The following CLVS1 variants were observed in gnomAD, a reference collection of about 807,000 sequenced individuals.
CLVS1 encodes the protein clavesin-1.
Under a neutral mutation model 33.1 loss-of-function variants are expected in CLVS1, and 10 were observed. The observed-to-expected ratio is 0.30, with a 90% CI of 0.19 to 0.51. CLVS1 has a LOEUF of 0.51. Among genes scored for constraint, CLVS1 ranks in the 20% least tolerant of loss-of-function variants. The pLI is 0.97. For synonymous variants in CLVS1, 163 were observed against 166.1 expected (o/e 0.98, Z 0.14); for missense variants, 343 against 433.4 (o/e 0.79, Z 1.85).
intron 2 of CLVS1, among the ~76,000 whole-genome samples, chr8:61,345,632 G>A (rs1585833495): frequency 1.4e-5 from 2 of 143,438 alleles, no homozygotes; most frequent in South Asian, 2.4e-4. Flanking sequence ...GTGTGTGTGT[G>A]TGTGTATGTG....
chr8:61,273,812 C>A (rs1024845709), intron 2 of CLVS1: 6 of 154,402 alleles, frequency 3.9e-5, no homozygotes, highest in African/African-American at 1.2e-4. Flanking sequence ...TGACTCCTTG[C>A]GCTTCCCGAG....
At chr8:61,232,381 C>T (rs1236820868) in intron 2 of CLVS1, among the ~76,000 whole-genome samples, 1 of 152,038 alleles carries the variant, frequency 6.6e-6, no homozygotes, top group African/African-American at 2.4e-5. Context: ...GCACAGGAGA[C>T]CTCCAGTTAG....
chr8:61,427,871 G>T (rs768279758), intron 3 of CLVS1, among the ~76,000 whole-genome samples: 1 of 152,236 alleles, frequency 6.6e-6, no homozygotes, highest in Non-Finnish European at 1.5e-5. Flanking sequence ...GCACCTTTGT[G>T]CCTTCCATTG....
At chr8:61,489,874 G>C (rs1201453961) in intron 5 of CLVS1, among the ~76,000 whole-genome samples, 3 of 152,176 alleles carry the variant, frequency 2.0e-5, no homozygotes, top group Non-Finnish European at 4.4e-5. Context: ...CTTGGTAGGA[G>C]CTACTCTCTG....
At chr8:61,265,784 C>A (rs1240741658) in intron 2 of CLVS1, among the ~76,000 whole-genome samples, 1 of 152,196 alleles carries the variant, frequency 6.6e-6, no homozygotes, top group Non-Finnish European at 1.5e-5. Flanking sequence ...TGCTGGGCCA[C>A]AGCCACTCAG....
intron 2 of CLVS1, among the ~76,000 whole-genome samples, chr8:61,354,810 T>C (rs1812623225): frequency 6.6e-6 from 1 of 152,086 alleles, no homozygotes; most frequent in Non-Finnish European, 1.5e-5. Flanking sequence ...TGATTACAGG[T>C]TTTAGGGAAT....
intron 2 of CLVS1, among the ~76,000 whole-genome samples, chr8:61,313,691 G>A (rs1810919061): frequency 6.6e-6 from 1 of 152,088 alleles, no homozygotes; most frequent in Non-Finnish European, 1.5e-5. Flanking sequence ...CCTGACTTGT[G>A]GGGAGAAATC....
At chr8:61,365,527 CA>C (rs142110433) in intron 2 of CLVS1, among the ~76,000 whole-genome samples, 64,934 of 140,162 alleles carry the variant, frequency 0.46, 14,681 homozygotes, top group East Asian at 0.63. Context: ...AACACCATGT[CA>C]AAAAAAAAAA....
At chr8:61,119,849 T>A (rs1805819156) in intron 1 of CLVS1, among the ~76,000 whole-genome samples, 1 of 126,968 alleles carries the variant, frequency 7.9e-6, no homozygotes, top group Admixed American at 7.4e-5. Flanking sequence ...CAATTATGTG[T>A]CTTGGAGTTG....
the CLVS1 span, among the ~76,000 whole-genome samples, chr8:61,028,689 G>A: frequency 1.3e-5 from 2 of 152,192 alleles, no homozygotes; most frequent in Non-Finnish European, 2.9e-5. Flanking sequence ...CTTCTATGGG[G>A]ATGGGTTGTT....
At chr8:61,149,997 CTG>C (rs1806495917) in intron 2 of CLVS1, among the ~76,000 whole-genome samples, 1 of 152,098 alleles carries the variant, frequency 6.6e-6, no homozygotes, top group African/African-American at 2.4e-5. Flanking sequence ...GAGAATGTGA[CTG>C]TGCTCAGAAT....
the CLVS1 span, among the ~76,000 whole-genome samples, chr8:61,008,529 C>T: frequency 6.7e-6 from 1 of 149,582 alleles, no homozygotes; most frequent in African/African-American, 2.5e-5. Context: ...AGCAGTGGCA[C>T]AATCATAGCT....
chr8:61,324,461 C>A (rs1430402282), intron 2 of CLVS1, among the ~76,000 whole-genome samples: 2 of 152,174 alleles, frequency 1.3e-5, no homozygotes, highest in East Asian at 1.9e-4. Context: ...CTTTTCTTCC[C>A]AGTCTTGGGT....
At chr8:60,992,429 C>T in the CLVS1 span, among the ~76,000 whole-genome samples, 2 of 152,158 alleles carry the variant, frequency 1.3e-5, no homozygotes, top group African/African-American at 4.8e-5. Flanking sequence ...CGGAGTTTCC[C>T]TGAGAAGCAA....
At chr8:61,251,336 C>T (rs969531201) in intron 2 of CLVS1, among the ~76,000 whole-genome samples, 10 of 152,026 alleles carry the variant, frequency 6.6e-5, no homozygotes, top group South Asian at 2.1e-4. Flanking sequence ...TGAGGATTTT[C>T]GCATCTATGT....
intron 3 of CLVS1, among the ~76,000 whole-genome samples, chr8:61,441,733 C>T (rs1227350965): frequency 6.6e-6 from 1 of 152,148 alleles, no homozygotes; most frequent in Non-Finnish European, 1.5e-5. Flanking sequence ...TATGTTGCTC[C>T]TGAACTCTGA....
the CLVS1 span, among the ~76,000 whole-genome samples, chr8:60,998,646 A>T: frequency 6.6e-6 from 1 of 152,038 alleles, no homozygotes; most frequent in African/African-American, 2.4e-5. Context: ...GCAATGCTGC[A>T]TTTTCTGCTA....
In CLVS1 at chr8:61,376,684, G is replaced by T; in HGVS notation, c.535G>T (p.Gly179Cys). 1 of 1,614,072 alleles carries T rather than the reference G, an allele frequency of 6.2e-7. No homozygotes were observed. Among genetic ancestry groups the T allele is most frequent in the Non-Finnish European group, 8.5e-7 (1 of 1,179,972 alleles). Residue 179 changes from glycine to cysteine, a missense_variant, in exon 3 of 6, where the codon GGC becomes TGC. Around this residue, in one of 4 missense-constraint regions of CLVS1, gnomAD observed 166 missense variants for 244.0 expected, o/e 0.68. Coordinates refer to ENST00000325897, the MANE Select transcript of CLVS1 (RefSeq NM_173519.3). ...LIEDPELQIN[G>C]FILIIDWSNF... ...CGAAGATCCGGAGCTTCAGATAAAT[G>T]GCTTCATTTTAATTATAGACTGGAG...
chr8:61,204,033 G>A (rs1431486603), intron 2 of CLVS1, among the ~76,000 whole-genome samples: 1 of 152,152 alleles, frequency 6.6e-6, no homozygotes, highest in Non-Finnish European at 1.5e-5. Context: ...TCAGATGACA[G>A]GAATGAGGTC....
Sources: allele counts gnomAD v4.1 joint callset (sites outside exome capture counted in the v4.1 genomes callset), GRCh38; gene constraint gnomAD v4.1.1; regional missense constraint gnomAD v4.1.1; transcripts MANE v1.5; gene names NCBI Gene and HGNC (gene_info 2026-07-23, HGNC 2026-07-21).